The following FAM171B variants were observed in gnomAD, a reference collection of about 807,000 sequenced individuals.
The protein encoded by FAM171B is protein FAM171B.
A neutral mutation model predicts 75.6 loss-of-function variants in FAM171B; 19 were observed. The observed-to-expected ratio is 0.25, with a 90% confidence interval of 0.18 to 0.37. The LOEUF (loss-of-function observed/expected upper bound fraction) is 0.37. Ranked by LOEUF, FAM171B falls within the 10% of genes least tolerant of loss-of-function variation. FAM171B has a pLI of 1.00. For missense variants in FAM171B, 848 were observed against 982.4 expected (o/e 0.86, Z 1.83); for synonymous variants, 367 against 361.7 (o/e 1.01, Z -0.17).
At chr2:186,702,574 TA>T (rs1472504771) in intron 1 of FAM171B, among the ~76,000 whole-genome samples, 1 of 152,212 alleles carries the variant, frequency 6.6e-6, no homozygotes, top group Admixed American at 6.5e-5. Context: ...TCACAATGAC[TA>T]GGCTGTATTT....
At chr2:186,751,050 G>C in intron 4 of FAM171B, 84 bp from the exon 5 acceptor site, 4 of 999,896 alleles carry the variant, frequency 4.0e-6, no homozygotes, top group Non-Finnish European at 5.7e-6. Context: ...TGAAATAGAG[G>C]AACTATTTAT....
At position 186,694,323 on chromosome 2, in the gene FAM171B, A is replaced by AG. The variant is rs777039262; in HGVS notation, c.150_151insG (p.Gln51AlafsTer13). 57 of 968,786 alleles carry AG rather than the reference A, an allele frequency of 5.9e-5. No individual in the cohort carries two copies. Among genetic ancestry groups the AG allele is most frequent in the South Asian group, 8.1e-5 (5 of 61,932 alleles). 60.0% of individuals were successfully genotyped at this position (968,786 alleles called of 1,614,324 possible). On this transcript the variant is annotated frameshift_variant, in exon 1 of 8. Transcript: ENST00000304698. LOFTEE classifies it high-confidence loss of function. ...TCCAACAGCAGCAGCAGCAGCAGCA[A>AG]CAACAACAACAACAGCAAAAGCAGC...
intron 3 of FAM171B, 92 bp from the exon 4 acceptor site, chr2:186,747,000 T>G: frequency 1.1e-6 from 1 of 899,936 alleles, no homozygotes; most frequent in South Asian, 2.1e-5. Context: ...GCAATAATTA[T>G]AATTGCTTCT....
Position 186,761,786 on chromosome 2 carries a change from A to T in FAM171B, c.1444A>T (p.Thr482Ser). 6.2e-7 allele frequency: 1 copy of T among 1,613,284 alleles called. No homozygotes were observed. The highest frequency in any genetic ancestry group is 1.1e-5 in the South Asian group (1 of 91,076). ...VNQNNYSRNP[T>S]QSLEPNVGSK... ...TCAAAATAATTACTCAAGAAACCCA[A>T]CACAGTCTTTGGAGCCCAATGTAGG... The change falls in exon 8 of 8, where the codon ACA (threonine) becomes TCA (serine). Residue 482 changes from threonine (T) to serine (S), a missense_variant. Around this residue, in one of 3 missense-constraint regions of FAM171B, gnomAD observed 665 missense variants for 729.0 expected, o/e 0.91. Coordinates refer to ENST00000304698, the MANE Select transcript of FAM171B (RefSeq NM_177454.4).
In FAM171B at chr2:186,765,221, T is replaced by G. The variant is rs1290831486; in HGVS notation, c.*2398T>G. 6.6e-6 allele frequency: 1 copy of G among 152,036 alleles called. No homozygotes were observed. Among genetic ancestry groups the G allele is most frequent in the African/African-American group, 2.4e-5 (1 of 41,446 alleles). The allele number at this position is 152,036 out of a possible 1,614,324, so 9.4% of individuals were successfully genotyped here. A position where few individuals can be genotyped will look rare whatever the true frequency, so the allele number is the denominator to read the frequency against. On this transcript the variant is annotated 3_prime_UTR_variant, in exon 8 of 8. Transcript: ENST00000304698. ...ATAATAAACAATATTCACAACTTTCTTAAATTTTTAAATTGAAAACCAAGG... is the reference window on the plus strand; with the variant it reads ...ATAATAAACAATATTCACAACTTTCGTAAATTTTTAAATTGAAAACCAAGG...
chr2:186,739,969 T>C (rs2122178), intron 1 of FAM171B, among the ~76,000 whole-genome samples: 151,080 of 152,296 alleles, frequency 0.99, 74,943 homozygotes, highest in Middle Eastern at 1. Flanking sequence ...AATTTTTTAG[T>C]GCCATCATAA....
In FAM171B at chr2:186,694,136, C is replaced by A; in HGVS notation, c.-38C>A. 1 of 1,485,426 alleles carries A rather than the reference C, an allele frequency of 6.7e-7. No individual in the cohort carries two copies. 92.0% of individuals were successfully genotyped at this position (1,485,426 alleles called of 1,614,324 possible). ...CCCTGGCGCCCGCCGCCGCCCGGAG[C>A]CCCGCAATATGCCGCCGCGGCCCTC... is the stretch of plus-strand genomic sequence containing the variant. On this transcript the variant is annotated 5_prime_UTR_variant, in exon 1 of 8. Coordinates refer to ENST00000304698, the MANE Select transcript of FAM171B (RefSeq NM_177454.4).
intron 5 of FAM171B, among the ~76,000 whole-genome samples, chr2:186,751,916 T>C (rs1162962448): frequency 6.6e-6 from 1 of 152,082 alleles, no homozygotes; most frequent in African/African-American, 2.4e-5. Flanking sequence ...ACTGAAAAGT[T>C]TACAGGTAGG....
intron 6 of FAM171B, among the ~76,000 whole-genome samples, chr2:186,754,621 T>C (rs569103503): frequency 6.6e-6 from 1 of 152,244 alleles, no homozygotes; most frequent in East Asian, 1.9e-4. Flanking sequence ...TGGCCCACTT[T>C]TGGGTCTCAA....
intron 1 of FAM171B, among the ~76,000 whole-genome samples, chr2:186,718,537 C>G (rs1181353608): frequency 6.6e-6 from 1 of 152,182 alleles, no homozygotes; most frequent in Non-Finnish European, 1.5e-5. Context: ...TCCCTCTTCT[C>G]TATCCCTGTA....
intron 1 of FAM171B, among the ~76,000 whole-genome samples, chr2:186,737,364 T>C (rs1258146962): frequency 1.3e-5 from 2 of 151,364 alleles, no homozygotes; most frequent in African/African-American, 4.8e-5. Context: ...CTTTTCTTTC[T>C]CTTTTTTTAG....
chr2:186,746,702 A>G (rs555998845), intron 3 of FAM171B, among the ~76,000 whole-genome samples: 1 of 152,330 alleles, frequency 6.6e-6, no homozygotes, highest in Admixed American at 6.5e-5. Context: ...GACAGGGCCC[A>G]TCATTGAACA....
chr2:186,753,957 G>T lies in FAM171B; in HGVS notation c.920G>T (p.Gly307Val). ...GGTGCTTGGGTAAATCATGGTCGGG[G>T]AATGGTCAAGGAACATAACAATCAT... ...NTGAWVNHGRGMVKEHNNHLI... is the reference protein window; with the variant it reads ...NTGAWVNHGRVMVKEHNNHLI... The change falls in exon 6 of 8, where the codon GGA (glycine) becomes GTA (valine). Residue 307 changes from glycine (G) to valine (V), a missense_variant. By Grantham distance (109) the Gly-to-Val change is moderately radical (BLOSUM62 -3). Transcript: ENST00000304698. 1 of 1,613,546 alleles carries T rather than the reference G, an allele frequency of 6.2e-7. No individual in the cohort carries two copies. The highest frequency in any genetic ancestry group is 8.5e-7 in the Non-Finnish European group (1 of 1,179,680).
chr2:186,758,773 A>G (rs1466188280), intron 6 of FAM171B, among the ~76,000 whole-genome samples: 1 of 152,138 alleles, frequency 6.6e-6, no homozygotes, highest in South Asian at 2.1e-4. Context: ...ATAATCATGC[A>G]TAATAATCAC....
At chr2:186,730,117 C>T (rs1559086673) in intron 1 of FAM171B, among the ~76,000 whole-genome samples, 1 of 152,158 alleles carries the variant, frequency 6.6e-6, no homozygotes, top group Non-Finnish European at 1.5e-5. Context: ...CGTGCCACCA[C>T]ACCTAGCTAA....
chr2:186,749,570 TATTTA>T (rs1690420224), intron 4 of FAM171B, among the ~76,000 whole-genome samples: 1 of 152,244 alleles, frequency 6.6e-6, no homozygotes, highest in African/African-American at 2.4e-5. Flanking sequence ...TTAATTCTTA[TATTTA>T]ATTGAAAATT....
rs1222390049 is a variant in FAM171B, at chr2:186,765,941, AAAAT to A, written c.*3123_*3126del. 8 of 152,138 alleles carry A rather than the reference AAAAT, an allele frequency of 5.3e-5. No individual in the cohort carries two copies. The highest frequency in any genetic ancestry group is 1.7e-4 in the African/African-American group (7 of 41,456). 9.4% of individuals were successfully genotyped at this position (152,138 alleles called of 1,614,324 possible). On this transcript the variant is annotated 3_prime_UTR_variant, in exon 8 of 8. Coordinates refer to ENST00000304698, the MANE Select transcript of FAM171B (RefSeq NM_177454.4). Reference sequence around the variant, plus strand: ...TTAAACATAGTTCATTAAAAATAATAAAATAAATCTAAAATGTACTTGGAGCATT... The same window carrying A: ...TTAAACATAGTTCATTAAAAATAATAAAATCTAAAATGTACTTGGAGCATT...
chr2:186,704,512 A>G (rs1186683078), intron 1 of FAM171B, among the ~76,000 whole-genome samples: 2 of 152,210 alleles, frequency 1.3e-5, no homozygotes, highest in African/African-American at 4.8e-5. Context: ...AACTCTTAAA[A>G]GACATTCTTT....
Position 186,762,077 on chromosome 2 carries a change from C to T in FAM171B, c.1735C>T (p.Arg579Ter), listed in dbSNP as rs867186652. The change falls in exon 8 of 8, where the codon CGA (arginine) becomes TGA (stop). Residue 579 changes from arginine (R) to a stop codon, truncating the protein, a stop_gained. Coordinates refer to ENST00000304698, the MANE Select transcript of FAM171B (RefSeq NM_177454.4). LOFTEE classifies it high-confidence loss of function. The surrounding 1 kb of genome is among the most constrained non-coding windows in gnomAD (Gnocchi z 4.0). Reference sequence around the variant, plus strand: ...TGGCCAATTGATGGAACCAGTAAATCGAGAGAACTTTACGCAGACCTTGCC... The same window carrying T: ...TGGCCAATTGATGGAACCAGTAAATTGAGAGAACTTTACGCAGACCTTGCC... ...VYGQLMEPVN[R>*]ENFTQTLPKM... The T allele has an allele frequency of 6.2e-7, 1 of 1,613,644 alleles. No homozygotes were observed. The highest frequency in any genetic ancestry group is 8.5e-7 in the Non-Finnish European group (1 of 1,179,764).
Sources: allele counts gnomAD v4.1 joint callset (sites outside exome capture counted in the v4.1 genomes callset), GRCh38; gene constraint gnomAD v4.1.1; regional missense constraint gnomAD v4.1.1; non-coding constraint Gnocchi (gnomAD v3.1); transcripts MANE v1.5; gene names NCBI Gene and HGNC (gene_info 2026-07-23, HGNC 2026-07-21).